ARID4B: variants seen among roughly 807,000 people sequenced by gnomAD.
ARID4B encodes AT-rich interaction domain 4B, also known as AT-rich interactive domain-containing protein 4B.
In ARID4B, 26 loss-of-function variants were observed where a neutral mutation model predicts 147.5. The ratio of observed to expected loss-of-function variants is 0.18; its 90% CI spans 0.13 to 0.24. The LOEUF is 0.24. Ranked by LOEUF, ARID4B falls within the 10% of genes least tolerant of loss-of-function variation. The pLI, the probability that ARID4B is intolerant of heterozygous loss-of-function variation, is 1.00. For missense variants in ARID4B, 1,179 were observed against 1,511.5 expected, an observed-to-expected ratio of 0.78 and a Z score of 3.65; for synonymous variants, 512 against 507.9, an observed-to-expected ratio of 1.01 and a Z score of -0.11.
chr1:235,182,927 A>G, intron 19 of ARID4B, 134 bp from the exon 20 acceptor site: 1 of 720,618 alleles, frequency 1.4e-6, no homozygotes, highest in Non-Finnish European at 2.1e-6. Flanking sequence ...TCTATGTAAC[A>G]TGCAAAGAAA....
At chr1:235,234,311 C>A in intron 9 of ARID4B, 102 bp downstream of exon 9, 7 of 747,564 alleles carry the variant, frequency 9.4e-6, no homozygotes, top group Non-Finnish European at 1.4e-5. Context: ...AAATAAAAGC[C>A]TAAGGTAATT....
At chr1:235,235,945 CTT>C (rs397795149) in intron 8 of ARID4B, among the ~76,000 whole-genome samples, 20 of 141,958 alleles carry the variant, frequency 1.4e-4, no homozygotes, top group Admixed American at 1.4e-4. Flanking sequence ...TTTTCTTTTT[CTT>C]TTTTTTTTTT....
chr1:235,257,030 A>G, intron 4 of ARID4B, 130 bp downstream of exon 4: 1 of 686,408 alleles, frequency 1.5e-6, no homozygotes, highest in Non-Finnish European at 2.5e-6. Context: ...TATTTTTTCT[A>G]TTAGTCTTTT....
intron 17 of ARID4B, among the ~76,000 whole-genome samples, chr1:235,204,595 C>T (rs1666185161): frequency 6.6e-6 from 1 of 152,122 alleles, no homozygotes; most frequent in African/African-American, 2.4e-5. Flanking sequence ...GGTCTTTAGG[C>T]AGAGGTAATA....
chr1:235,284,648 T>C (rs1671860501), intron 2 of ARID4B, among the ~76,000 whole-genome samples: 1 of 152,122 alleles, frequency 6.6e-6, no homozygotes, highest in African/African-American at 2.4e-5. Flanking sequence ...CATAACAAGA[T>C]ACCATCTCTA....
intron 13 of ARID4B, among the ~76,000 whole-genome samples, chr1:235,222,955 TTG>T (rs1478775306): frequency 6.6e-6 from 1 of 152,086 alleles, no homozygotes; most frequent in East Asian, 1.9e-4. Context: ...AGTGTTGGGG[TTG>T]CAGGCATGAG....
chr1:235,175,228 G>A lies in ARID4B; in HGVS notation c.3620C>T (p.Pro1207Leu). 6.2e-7 allele frequency: 1 copy of A among 1,614,122 alleles called. No homozygotes were observed. The highest frequency in any genetic ancestry group is 8.5e-7 in the Non-Finnish European group (1 of 1,180,008). Residue 1207 changes from proline to leucine, a missense_variant, in exon 22 of 24, where the codon CCC (proline) becomes CTC (leucine). Coordinates refer to ENST00000264183, the MANE Select transcript of ARID4B (RefSeq NM_016374.6). ...GTAAACTTTGGGTAATCGATTACTGGGTTCCTTGAGATCAGGATCCTTATC... is the reference window on the plus strand; with the variant it reads ...GTAAACTTTGGGTAATCGATTACTGAGTTCCTTGAGATCAGGATCCTTATC... ...NGDKDPDLKE[P>L]SNRLPKVYKW...
At chr1:235,219,725 C>T (rs1667317463) in intron 16 of ARID4B, 68 bp downstream of exon 16, 1 of 1,266,086 alleles carries the variant, frequency 7.9e-7, no homozygotes, top group African/African-American at 1.5e-5. Flanking sequence ...TACATAAACA[C>T]ATACAAAGAG....
chr1:235,288,995 A>G (rs1672157708), intron 2 of ARID4B, among the ~76,000 whole-genome samples: 3 of 152,236 alleles, frequency 2.0e-5, no homozygotes, highest in Admixed American at 6.5e-5. Flanking sequence ...CAGTCTTGAA[A>G]GATCCATTTA....
intron 2 of ARID4B, among the ~76,000 whole-genome samples, chr1:235,295,152 A>AT (rs1433930548): frequency 6.6e-6 from 1 of 152,108 alleles, no homozygotes; most frequent in African/African-American, 2.4e-5. Context: ...CTCAAAGCTA[A>AT]TATGTGTTAT....
chr1:235,235,500 A>G (rs542696814), intron 8 of ARID4B, among the ~76,000 whole-genome samples: 1 of 152,354 alleles, frequency 6.6e-6, no homozygotes, highest in South Asian at 2.1e-4. Flanking sequence ...ACACTGGTGT[A>G]TGAGTAAGTG....
At chr1:235,270,720 C>A (rs1285336153) in intron 2 of ARID4B, among the ~76,000 whole-genome samples, 1 of 152,226 alleles carries the variant, frequency 6.6e-6, no homozygotes, top group South Asian at 2.1e-4. Context: ...TCTCATGTAA[C>A]ACAGCCAATC....
At chr1:235,217,298 T>C (rs1667154839) in intron 16 of ARID4B, among the ~76,000 whole-genome samples, 1 of 152,162 alleles carries the variant, frequency 6.6e-6, no homozygotes, top group Non-Finnish European at 1.5e-5. Context: ...TCAAGACTAA[T>C]GTGCTAAACC....
At chr1:235,241,769 G>T (rs1417790044) in intron 7 of ARID4B, among the ~76,000 whole-genome samples, 1 of 151,694 alleles carries the variant, frequency 6.6e-6, no homozygotes, top group Non-Finnish European at 1.5e-5. Context: ...CGCCCACCTC[G>T]CCTCCCAAAG....
At chr1:235,168,708 G>A (rs1663109546) in intron 23 of ARID4B, 56 bp from the exon 24 acceptor site, 3 of 1,563,514 alleles carry the variant, frequency 1.9e-6, no homozygotes, top group African/African-American at 1.4e-5. Context: ...TCTAACAATA[G>A]ACAGAAAATA....
intron 6 of ARID4B, among the ~76,000 whole-genome samples, chr1:235,248,017 GC>G (rs749510501): frequency 6.6e-6 from 1 of 152,006 alleles, no homozygotes; most frequent in African/African-American, 2.4e-5. Context: ...TTATTTGGAG[GC>G]AAAAACTGTC....
intron 2 of ARID4B, among the ~76,000 whole-genome samples, chr1:235,314,477 AG>A (rs1233022908): frequency 6.6e-6 from 1 of 152,232 alleles, no homozygotes; most frequent in African/African-American, 2.4e-5. Flanking sequence ...GGACATAAAA[AG>A]GACTGGAAAT....
chr1:235,189,814 G>T (rs1241870240), intron 19 of ARID4B, among the ~76,000 whole-genome samples: 1 of 152,078 alleles, frequency 6.6e-6, no homozygotes, highest in Non-Finnish European at 1.5e-5. Context: ...GCTGAGACAG[G>T]AAAATCGCTT....
At chr1:235,322,615 AT>A (rs1244631960) in intron 2 of ARID4B, among the ~76,000 whole-genome samples, 1 of 152,094 alleles carries the variant, frequency 6.6e-6, no homozygotes, top group Non-Finnish European at 1.5e-5. Flanking sequence ...ATTTCCTACA[AT>A]TATTTTATGT....
Sources: allele counts gnomAD v4.1 joint callset (sites outside exome capture counted in the v4.1 genomes callset), GRCh38; gene constraint gnomAD v4.1.1; transcripts MANE v1.5; gene names NCBI Gene and HGNC (gene_info 2026-07-23, HGNC 2026-07-21).